Variants in SLC4A5 observed in about 807,000 individuals in gnomAD.
SLC4A5 encodes electrogenic sodium bicarbonate cotransporter 4.
SLC4A5 carries 96 observed loss-of-function variants against 120.4 expected under a neutral mutation model. The ratio of observed to expected loss-of-function variants is 0.80; its 90% CI spans 0.68 to 0.94. The LOEUF (loss-of-function observed/expected upper bound fraction) is 0.94. Ranked by LOEUF, SLC4A5 falls within the 40% of genes least tolerant of loss-of-function variation. The pLI, the probability that SLC4A5 is intolerant of heterozygous loss-of-function variation, is 0.00. For missense variants in SLC4A5, 1,259 were observed against 1,459.5 expected (o/e 0.86, Z 2.24); for synonymous variants, 550 against 571.1 (o/e 0.96, Z 0.53).
rs1470764065 is a variant in SLC4A5 at position 74,255,810 on chromosome 2, C to A, written c.990G>T (p.Met330Ile). The change falls in exon 13 of 31, where the codon ATG becomes ATT. Residue 330 changes from methionine to isoleucine, a missense_variant. By Grantham distance (10) the Met-to-Ile change is conservative (BLOSUM62 1). Coordinates refer to ENST00000394019, the Ensembl canonical transcript of SLC4A5. The surrounding 1 kb of genome is among the most constrained non-coding windows in gnomAD (Gnocchi z 4.0). Reference sequence around the variant, plus strand: ...CAGGCACCTCGGTCACTCCTCCCAGCATGGCCGACTGGATGAGGCGCACGA... The same window carrying A: ...CAGGCACCTCGGTCACTCCTCCCAGAATGGCCGACTGGATGAGGCGCACGA... 1 of 1,614,218 alleles carries A rather than the reference C, an allele frequency of 6.2e-7. No homozygotes were observed.
rs894837715 is a variant in SLC4A5, at chr2:74,230,271, G to A, written c.2847+965C>T. On this transcript the variant is annotated intron_variant, in intron 25 of 30. Coordinates refer to ENST00000394019, the Ensembl canonical transcript of SLC4A5. ...TCAAGGGAAAGGGAGAGTGATGGGCGATTGGCTGGAGTGGAGAGCAGGGAA... is the reference window on the plus strand; with the variant it reads ...TCAAGGGAAAGGGAGAGTGATGGGCAATTGGCTGGAGTGGAGAGCAGGGAA... Among the ~76,000 whole-genome samples the A allele has an allele frequency of 5.3e-5, 8 of 152,174 alleles. No homozygotes were observed. In the South Asian group the frequency reaches 8.3e-4, roughly 16 times the overall value.
chr2:74,331,613 A>AC (rs558138552), intron 4 of SLC4A5, among the ~76,000 whole-genome samples: 52 of 151,968 alleles, frequency 3.4e-4, no homozygotes, highest in Non-Finnish European at 6.9e-4. Context: ...GAGCCATGGT[A>AC]CCTTTGGGAA....
chr2:74,287,593 G>A (rs928845663), intron 7 of SLC4A5, among the ~76,000 whole-genome samples: 2 of 152,060 alleles, frequency 1.3e-5, no homozygotes, highest in African/African-American at 4.8e-5. Flanking sequence ...TCTCAAGTGC[G>A]GCATCCTTCC....
At chr2:74,294,437 C>T (rs1672267511) in intron 7 of SLC4A5, among the ~76,000 whole-genome samples, 1 of 152,174 alleles carries the variant, frequency 6.6e-6, no homozygotes, top group Non-Finnish European at 1.5e-5. Context: ...CACCAAGAGT[C>T]TTCAATTTGC....
chr2:74,275,115 G>T (rs768740062), intron 8 of SLC4A5, among the ~76,000 whole-genome samples: 4 of 152,150 alleles, frequency 2.6e-5, no homozygotes, highest in Non-Finnish European at 5.9e-5. Context: ...AGTACAGTTT[G>T]GGCATTACAG....
chr2:74,225,404 T>C (rs1206401354), intron 27 of SLC4A5, among the ~76,000 whole-genome samples: 3 of 152,156 alleles, frequency 2.0e-5, no homozygotes. Context: ...AAGACCAGCC[T>C]GGCCAACATG....
At chr2:74,320,578 G>A (rs528044628) in intron 5 of SLC4A5, among the ~76,000 whole-genome samples, 14 of 152,264 alleles carry the variant, frequency 9.2e-5, no homozygotes, top group Non-Finnish European at 1.6e-4. Context: ...GGGTAGAATA[G>A]GGGCATTTTC....
intron 19 of SLC4A5, among the ~76,000 whole-genome samples, chr2:74,242,682 CTCTT>C (rs1224374756): frequency 6.6e-6 from 1 of 151,250 alleles, no homozygotes; most frequent in Non-Finnish European, 1.5e-5. Flanking sequence ...CCCTTCCAGC[CTCTT>C]TTTTTGCCCA....
Position 74,255,725 on chromosome 2 carries a change from C to T in SLC4A5, c.1025+50G>A, listed in dbSNP as rs1558880823. On this transcript the variant is annotated intron_variant, in intron 13 of 30. Coordinates refer to ENST00000394019, the Ensembl canonical transcript of SLC4A5. The surrounding 1 kb of genome is among the most constrained non-coding windows in gnomAD (Gnocchi z 4.0). Reference sequence around the variant, plus strand: ...ACAGCACTGCTTGCTGACTGCACTGCTGACTGGCTACCTGAGAGTGGCGTG... The same window carrying T: ...ACAGCACTGCTTGCTGACTGCACTGTTGACTGGCTACCTGAGAGTGGCGTG... 1 of 1,606,670 alleles carries T rather than the reference C, an allele frequency of 6.2e-7. No individual in the cohort carries two copies. The highest frequency in any genetic ancestry group is 1.1e-5 in the South Asian group (1 of 90,368).
chr2:74,293,620 C>G (rs183512156), intron 7 of SLC4A5, among the ~76,000 whole-genome samples: 13 of 152,140 alleles, frequency 8.5e-5, no homozygotes, highest in Non-Finnish European at 1.3e-4. Context: ...CTGTGTACAC[C>G]CAGAGAGGGG....
At chr2:74,295,999 A>G (rs1672313102) in intron 7 of SLC4A5, among the ~76,000 whole-genome samples, 2 of 152,234 alleles carry the variant, frequency 1.3e-5, no homozygotes, top group South Asian at 4.1e-4. Context: ...AACCACATCG[A>G]ATAAGGTTAT....
intron 6 of SLC4A5, among the ~76,000 whole-genome samples, chr2:74,305,955 A>T (rs953187298): frequency 1.3e-5 from 2 of 151,928 alleles, no homozygotes; most frequent in Non-Finnish European, 2.9e-5. Flanking sequence ...CGAACTCCTG[A>T]CCTTGTGATC....
chr2:74,328,034 T>C, intron 5 of SLC4A5, 86 bp downstream of exon 5: 1 of 683,054 alleles, frequency 1.5e-6, no homozygotes, highest in Non-Finnish European at 1.8e-6. Flanking sequence ...TACTCTTAAA[T>C]ACTCTGTGTT....
chr2:74,256,827 A>G lies in SLC4A5; in HGVS notation c.868-895T>C, dbSNP rs111927235. 2.8e-3 allele frequency among the ~76,000 whole-genome samples: 420 copies of G among 152,274 alleles called. 1 individual carries two copies. The highest frequency in any genetic ancestry group is 4.9e-3 in the Non-Finnish European group (331 of 68,024). On this transcript the variant is annotated intron_variant, in intron 12 of 30. Transcript: ENST00000394019. ...AAGGGCATGGACAGACAAGAGACAG[A>G]GATAATTTTGTCGGAAGATGGAGGG...
intron 26 of SLC4A5, 145 bp downstream of exon 26, chr2:74,227,665 G>C: frequency 8.7e-7 from 1 of 1,143,780 alleles, no homozygotes; most frequent in Non-Finnish European, 1.3e-6. Context: ...TCAGTAAGTG[G>C]TAGTATCATT....
intron 23 of SLC4A5, 30 bp from the exon 24 acceptor site, chr2:74,232,677 G>A (rs1377019623): frequency 1.2e-6 from 2 of 1,605,982 alleles, no homozygotes; most frequent in African/African-American, 1.3e-5. Flanking sequence ...GGAGGGAGAA[G>A]TTTCTGGGGA....
intron 20 of SLC4A5, among the ~76,000 whole-genome samples, chr2:74,240,659 C>T (rs1415776340): frequency 6.6e-6 from 1 of 151,844 alleles, no homozygotes; most frequent in African/African-American, 2.4e-5. Flanking sequence ...GTCCCAGCTA[C>T]TCGAGAGGCT....
chr2:74,319,163 G>A (rs138098784), intron 5 of SLC4A5, among the ~76,000 whole-genome samples: 3,784 of 152,090 alleles, frequency 0.025, 234 homozygotes, highest in Admixed American at 0.15. Flanking sequence ...CTAACAATTC[G>A]TACACATGGA....
chr2:74,299,468 G>A (rs538603727), intron 7 of SLC4A5, among the ~76,000 whole-genome samples: 26 of 152,276 alleles, frequency 1.7e-4, no homozygotes, highest in African/African-American at 6.0e-4. Flanking sequence ...ACCTTCTGCC[G>A]TGATTGTGAG....
Sources: gnomAD v4.1 joint callset for allele counts (sites outside exome capture counted in the v4.1 genomes callset) on GRCh38, gnomAD v4.1.1 for gene constraint, Gnocchi (gnomAD v3.1) non-coding constraint, MANE v1.5 for transcripts, NCBI Gene and HGNC (gene_info 2026-07-23, HGNC 2026-07-21) for gene names.